Variants in RIF1 observed in about 807,000 individuals in gnomAD.
RIF1 encodes the protein replication timing regulatory factor 1.
Under a neutral mutation model 247.1 loss-of-function variants are expected in RIF1, and 45 were observed. That is an observed-to-expected ratio of 0.18 (90% confidence interval 0.14 to 0.23). The LOEUF (loss-of-function observed/expected upper bound fraction) is 0.23. Among genes scored for constraint, RIF1 ranks in the 10% least tolerant of loss-of-function variants. The probability of loss-of-function intolerance (pLI) is 1.00; values close to 1 mark genes in which losing one functional copy is unlikely to be tolerated. For missense variants in RIF1, 2,967 were observed against 2,862.5 expected, an observed-to-expected ratio of 1.04 and a Z score of -0.83; for synonymous variants, 1,087 against 978.8, an observed-to-expected ratio of 1.11 and a Z score of -2.06.
intron 12 of RIF1, chr2:151,505,401 G>A: frequency 8.0e-7 from 1 of 1,248,462 alleles, no homozygotes. Flanking sequence ...ATAGGAAGCA[G>A]AAAGATGAGA....
At chr2:151,441,577 G>A (rs779179659) in intron 15 of RIF1, among the ~76,000 whole-genome samples, 6 of 152,184 alleles carry the variant, frequency 3.9e-5, no homozygotes, top group Non-Finnish European at 5.9e-5. Flanking sequence ...TGTATAACTG[G>A]CTGCCCAAGA....
intron 20 of RIF1, among the ~76,000 whole-genome samples, chr2:151,449,511 A>C (rs1693890694): frequency 6.6e-6 from 1 of 151,740 alleles, no homozygotes; most frequent in Non-Finnish European, 1.5e-5. Flanking sequence ...GTGGCTATTC[A>C]CAGGCACCAT....
At chr2:151,499,468 G>T (rs1027270538) in exon 11 of RIF1, 1 of 753,590 alleles carries the variant, frequency 1.3e-6, no homozygotes, top group Non-Finnish European at 2.3e-6. Flanking sequence ...GGGGAACCTG[G>T]TATAAAACTA....
rs1328969272 is a variant in RIF1, at chr2:151,463,933, A to T, written c.4413A>T (p.Glu1471Asp). Residue 1471 changes from glutamate (E) to aspartate (D), a missense_variant, in exon 30 of 36, where the codon GAA becomes GAT. By Grantham distance (45) the Glu-to-Asp change is conservative. Transcript: ENST00000444746. The part of the protein sequence containing the change: ...DVLPKQKLIA[E>D]QTLQENLIEK... ...TACCTAAACAAAAACTGATTGCTGA[A>T]CAAACTCTACAGGAGAATTTAATTG... The T allele has an allele frequency of 6.2e-7, 1 of 1,613,368 alleles. No homozygotes were observed. Among genetic ancestry groups the T allele is most frequent in the Non-Finnish European group, 8.5e-7 (1 of 1,179,770 alleles).
At chr2:151,473,074 G>A (rs1486930366) in intron 34 of RIF1, among the ~76,000 whole-genome samples, 1 of 151,924 alleles carries the variant, frequency 6.6e-6, no homozygotes, top group Non-Finnish European at 1.5e-5. Flanking sequence ...ACAGACATTT[G>A]GGTTGTTTCC....
intron 10 of RIF1, chr2:151,497,993 G>C: frequency 7.0e-7 from 1 of 1,433,024 alleles, no homozygotes; most frequent in Non-Finnish European, 9.1e-7. Flanking sequence ...ACAATCACAT[G>C]AGGATTTGAG....
At chr2:151,422,164 G>A (rs750952544) in intron 7 of RIF1, among the ~76,000 whole-genome samples, 3 of 152,004 alleles carry the variant, frequency 2.0e-5, no homozygotes, top group Non-Finnish European at 2.9e-5. Flanking sequence ...TATCAAGCTT[G>A]CAACAAAGCA....
chr2:151,437,376 G>A (rs956056085), intron 13 of RIF1, 25 bp downstream of exon 13: 1 of 1,539,420 alleles, frequency 6.5e-7, no homozygotes, highest in African/African-American at 1.4e-5. Flanking sequence ...TTTATTATTT[G>A]CTCAAATGTG....
intron 21 of RIF1, among the ~76,000 whole-genome samples, chr2:151,454,271 A>G (rs951745062): frequency 6.6e-6 from 1 of 152,192 alleles, no homozygotes; most frequent in Non-Finnish European, 1.5e-5. Flanking sequence ...GGCAAGGGCT[A>G]TGTGGGTTTA....
In RIF1 at chr2:151,420,283, A is replaced by T; in HGVS notation, c.597A>T (p.Val199=). The change falls in exon 7 of 36, where the codon GTA becomes GTT. Residue 199 remains valine, a synonymous_variant. Coordinates refer to ENST00000444746, the MANE Select transcript of RIF1 (RefSeq NM_018151.5). ...IPLVVHSAQK[V]HLRGATALEM... is the part of the protein sequence containing the mutation. ...TAGTGGTTCATTCAGCACAAAAGGT[A>T]CATTTGCGGGGAGCAACTGCTCTGG... The T allele has an allele frequency of 6.2e-7, 1 of 1,614,214 alleles. No homozygotes were observed. Among genetic ancestry groups the T allele is most frequent in the Non-Finnish European group, 8.5e-7 (1 of 1,180,030 alleles).
the RIF1 span, chr2:151,525,995 G>C: frequency 2.5e-6 from 4 of 1,613,886 alleles, no homozygotes; most frequent in Non-Finnish European, 3.4e-6. Context: ...GACGTGAACA[G>C]TGTCCCGGGT....
Position 151,480,369 on chromosome 2 carries a change from A to G in RIF1, c.*5298A>G, listed in dbSNP as rs2049116850. On this transcript the variant is annotated 3_prime_UTR_variant, in exon 36 of 36. Coordinates refer to ENST00000444746, the MANE Select transcript of RIF1 (RefSeq NM_018151.5). ...TGCTGATAGAAGTTGATGCACTGAG[A>G]AGTGATGAGTTGAAGAGAATGGAAA... 1.3e-5 allele frequency: 2 copies of G among 152,200 alleles called. No individual in the cohort carries two copies. The highest frequency in any genetic ancestry group is 2.9e-5 in the Non-Finnish European group (2 of 68,024). The allele number at this position is 152,200 out of a possible 1,614,324, so 9.4% of individuals were successfully genotyped here. A position where few individuals can be genotyped will look rare whatever the true frequency, so the allele number is the denominator to read the frequency against.
rs971210999 is a variant in RIF1, at chr2:151,411,180, A to G, written c.105-80A>G. ...GCAGGAGTTAGAAAGTAATTTTTAA[A>G]AAGATTGTACATGTATTTTTGAGAG... is the stretch of plus-strand genomic sequence containing the variant. On this transcript the variant is annotated intron_variant, in intron 2 of 35. Coordinates refer to ENST00000444746, the MANE Select transcript of RIF1 (RefSeq NM_018151.5). 10 of 879,524 alleles carry G rather than the reference A, an allele frequency of 1.1e-5. No individual in the cohort carries two copies. In the Admixed American group the frequency reaches 2.1e-4, roughly 18 times the overall value. 54.5% of individuals were successfully genotyped at this position (879,524 alleles called of 1,614,324 possible).
chr2:151,435,761 T>G (rs918844805), intron 11 of RIF1, among the ~76,000 whole-genome samples, 181 bp downstream of exon 11: 11 of 143,796 alleles, frequency 7.6e-5, no homozygotes, highest in Non-Finnish European at 1.4e-4. Context: ...TGTTTTTCTG[T>G]TTTTTGTTTT....
chr2:151,525,161 A>T, the RIF1 span: 3 of 1,607,890 alleles, frequency 1.9e-6, no homozygotes, highest in Non-Finnish European at 1.7e-6. Flanking sequence ...GGGAAAACTT[A>T]CATCACTTTG....
intron 6 of RIF1, among the ~76,000 whole-genome samples, chr2:151,417,612 CATT>C (rs1372489048): frequency 6.6e-6 from 1 of 152,158 alleles, no homozygotes; most frequent in Non-Finnish European, 1.5e-5. Flanking sequence ...ATTTTCTTGT[CATT>C]ATTTCCTAAA....
intron 9 of RIF1, among the ~76,000 whole-genome samples, chr2:151,430,954 T>C (rs1690017803): frequency 6.6e-6 from 1 of 152,230 alleles, no homozygotes; most frequent in African/African-American, 2.4e-5. Context: ...GTGCTCATTC[T>C]ACTACAATTT....
chr2:151,510,976 A>C (rs993867483), downstream of RIF1, among the ~76,000 whole-genome samples: 1 of 152,238 alleles, frequency 6.6e-6, no homozygotes, highest in African/African-American at 2.4e-5. Flanking sequence ...TTACCATTCA[A>C]CTGTAAATAC....
At chr2:151,468,601 A>G (rs1559028528) in intron 32 of RIF1, 40 bp from the exon 33 acceptor site, 1 of 1,602,990 alleles carries the variant, frequency 6.2e-7, no homozygotes, top group Admixed American at 1.7e-5. Flanking sequence ...ATGTTCAGTC[A>G]GTTGACCTCT....
Sources: gnomAD v4.1 joint callset for allele counts (sites outside exome capture counted in the v4.1 genomes callset) on GRCh38, gnomAD v4.1.1 for gene constraint, MANE v1.5 for transcripts, NCBI Gene and HGNC (gene_info 2026-07-23, HGNC 2026-07-21) for gene names.